MAP3K19: variants seen among roughly 807,000 people sequenced by gnomAD.
The protein encoded by MAP3K19 is mitogen-activated protein kinase kinase kinase 19, also known as SPS1/STE20-related protein kinase YSK4.
In MAP3K19, 91 loss-of-function variants were observed where a neutral mutation model predicts 114.4. The ratio of observed to expected loss-of-function variants is 0.80; its 90% CI spans 0.67 to 0.95. MAP3K19 has a LOEUF of 0.95. MAP3K19 is among the 40% of genes least tolerant of loss of function. The probability of loss-of-function intolerance (pLI) is 0.00; values close to 1 mark genes in which losing one functional copy is unlikely to be tolerated. For missense variants in MAP3K19, 1,471 were observed against 1,573.2 expected (o/e 0.94, Z 1.10); for synonymous variants, 518 against 530.5 (o/e 0.98, Z 0.32).
chr2:134,971,163 T>C (rs1304584734), intron 12 of MAP3K19, among the ~76,000 whole-genome samples: 2 of 152,236 alleles, frequency 1.3e-5, no homozygotes, highest in South Asian at 4.1e-4. Flanking sequence ...TTTCTGTTTC[T>C]ATTGAGATGG....
chr2:134,992,823 T>C (rs1685680162), intron 8 of MAP3K19, among the ~76,000 whole-genome samples: 1 of 151,890 alleles, frequency 6.6e-6, no homozygotes, highest in African/African-American at 2.4e-5. Context: ...GCACCTGCCA[T>C]CATGCCCGGC....
At chr2:134,974,486 C>A (rs1460356387) in intron 12 of MAP3K19, among the ~76,000 whole-genome samples, 1 of 152,150 alleles carries the variant, frequency 6.6e-6, no homozygotes, top group Non-Finnish European at 1.5e-5. Flanking sequence ...GAAGACCTTT[C>A]TAGGTTGTAT....
chr2:135,023,951 G>A (rs1036173778), intron 4 of MAP3K19, among the ~76,000 whole-genome samples: 7 of 151,736 alleles, frequency 4.6e-5, no homozygotes, highest in African/African-American at 1.5e-4. Flanking sequence ...CCCCTCCATG[G>A]GCCCAGTTTC....
intron 11 of MAP3K19, 146 bp from the exon 12 acceptor site, chr2:134,981,664 T>G: frequency 1.5e-6 from 1 of 655,064 alleles, no homozygotes; most frequent in East Asian, 2.7e-5. Context: ...TGCAAAGTGT[T>G]TAAGCAAATT....
In MAP3K19 at chr2:134,970,747, G is replaced by A. The variant is rs907604938; in HGVS notation, c.3921-5831C>T. On this transcript the variant is annotated intron_variant, in intron 12 of 12. Transcript: ENST00000392915. ...TGAGTAGCTGGGACTACAGGTGCCC[G>A]CCACCACACCTGGCTAATTTTTTGT... Among the ~76,000 whole-genome samples, 5 of 151,756 alleles carry A rather than the reference G, an allele frequency of 3.3e-5. No individual in the cohort carries two copies. In the East Asian group the frequency reaches 5.8e-4, roughly 18 times the overall value.
In MAP3K19 at chr2:135,017,185, C is replaced by G. The variant is rs76644020; in HGVS notation, c.138+4530G>C. Among the ~76,000 whole-genome samples the G allele has an allele frequency of 7.1e-3, 1,079 of 152,216 alleles. 12 individuals are homozygous for G. The highest frequency in any genetic ancestry group is 0.024 in the African/African-American group (1,009 of 41,528). ...CTCTAAAAATATGACTAGAAGTTCT[C>G]TATGTATATTGCTATTTACCTGTTG... On this transcript the variant is annotated intron_variant, in intron 5 of 12. Coordinates refer to ENST00000392915, the MANE Select transcript of MAP3K19 (RefSeq NM_025052.5).
At chr2:134,983,152 TTCTA>T (rs375143838) in intron 11 of MAP3K19, 25 of 525,024 alleles carry the variant, frequency 4.8e-5, no homozygotes, top group African/African-American at 3.7e-4. Context: ...AACTTATTTC[TTCTA>T]TCTGACTGTA....
At chr2:135,011,536 CAA>C (rs61361416) in intron 5 of MAP3K19, among the ~76,000 whole-genome samples, 64 of 79,206 alleles carry the variant, frequency 8.1e-4, no homozygotes, top group African/African-American at 1.6e-3. Context: ...GACTCTGTCT[CAA>C]AAAAAAAAAA....
intron 9 of MAP3K19, among the ~76,000 whole-genome samples, chr2:134,988,542 C>T (rs1456257603): frequency 6.6e-6 from 1 of 152,080 alleles, no homozygotes; most frequent in Admixed American, 6.6e-5. Context: ...AGGCATGTGC[C>T]ACTATGCTCG....
At chr2:135,018,281 C>CAAAAAAAAAAAA (rs781510594) in intron 5 of MAP3K19, among the ~76,000 whole-genome samples, 5 of 58,286 alleles carry the variant, frequency 8.6e-5, no homozygotes, top group Admixed American at 2.2e-4. Context: ...GCAACAACAG[C>CAAAAAAAAAAAA]AAAAAAAAAA....
intron 11 of MAP3K19, 44 bp downstream of exon 11, chr2:134,983,632 G>A (rs564760913): frequency 4.2e-6 from 6 of 1,444,808 alleles, no homozygotes; most frequent in South Asian, 3.0e-5. Context: ...GAGGGACTGT[G>A]GGGGGGTGGG....
At chr2:135,043,704 T>C (rs1240350281) in intron 1 of MAP3K19, among the ~76,000 whole-genome samples, 1 of 152,200 alleles carries the variant, frequency 6.6e-6, no homozygotes, top group Non-Finnish European at 1.5e-5. Flanking sequence ...ATCCACCATT[T>C]TAGAAGGTAC....
intron 1 of MAP3K19, among the ~76,000 whole-genome samples, chr2:135,041,188 C>T (rs62168941): frequency 0.27 from 40,322 of 151,922 alleles, 7,218 homozygotes; most frequent in African/African-American, 0.49. Flanking sequence ...GATTCTAGCA[C>T]AGTGGGAATC....
chr2:135,034,217 G>C lies in MAP3K19; in HGVS notation c.-283-3717C>G, dbSNP rs1574055272. On this transcript the variant is annotated intron_variant, in intron 2 of 12. Transcript: ENST00000392915. Reference sequence around the variant, plus strand: ...TTACTTCCTAGATGGGATGGTGGCCGGGAAGAGGTGCTCCTCACTTCCTAG... The same window carrying C: ...TTACTTCCTAGATGGGATGGTGGCCCGGAAGAGGTGCTCCTCACTTCCTAG... 5.9e-5 allele frequency among the ~76,000 whole-genome samples: 7 copies of C among 119,478 alleles called. No individual in the cohort carries two copies. In the Admixed American group the frequency reaches 6.0e-4, roughly 10 times the overall value. The allele number at this position is 119,478 out of a possible 152,430, so 78.4% of individuals were successfully genotyped here.
At chr2:134,996,201 C>T (rs1026048265) in intron 8 of MAP3K19, among the ~76,000 whole-genome samples, 63 of 151,896 alleles carry the variant, frequency 4.1e-4, no homozygotes, top group South Asian at 6.2e-4. Flanking sequence ...TCAAGCAGTG[C>T]TCCTGCCTCA....
intron 8 of MAP3K19, among the ~76,000 whole-genome samples, chr2:134,992,301 G>A (rs992903769): frequency 4.6e-5 from 7 of 152,010 alleles, no homozygotes; most frequent in East Asian, 1.9e-4. Flanking sequence ...AAACTAGATC[G>A]ACCATAAACT....
rs769741999 is a variant in MAP3K19 at position 134,986,067 on chromosome 2, C to G, written c.2805G>C (p.Lys935Asn). The change falls in exon 10 of 13, where the codon AAG (lysine) becomes AAC (asparagine). Residue 935 changes from lysine to asparagine, a missense_variant. Physicochemically the swap from Lys to Asn is moderately conservative, Grantham distance 94 (BLOSUM62 0). Transcript: ENST00000392915. ...HYLDHDSLAN[K>N]SITYQMFGKT... ...TTCCAAACATTTGATATGTGATTGA[C>G]TTATTTGCTAAACTATCATGATCCA... is the stretch of plus-strand genomic sequence containing the variant. 3.1e-6 allele frequency: 5 copies of G among 1,613,964 alleles called. No homozygotes were observed. Among genetic ancestry groups the G allele is most frequent in the Non-Finnish European group, 4.2e-6 (5 of 1,179,966 alleles).
At position 134,986,142 on chromosome 2, in the gene MAP3K19, T is replaced by C; in HGVS notation, c.2730A>G (p.Ala910=). 1 of 1,614,066 alleles carries C rather than the reference T, an allele frequency of 6.2e-7. No homozygotes were observed. Residue 910 remains alanine (A), a synonymous_variant, in exon 10 of 13, where the codon GCA becomes GCG. Transcript: ENST00000392915. ...SKTLTNFSFQ[A]KQESASSQTY... The stretch of plus-strand genomic sequence containing the variant: ...TCTGGGAAGATGCACTTTCTTGTTT[T>C]GCTTGGAAAGAGAAATTTGTAAGTG...
intron 5 of MAP3K19, among the ~76,000 whole-genome samples, chr2:135,020,396 T>C (rs1465124329): frequency 6.6e-6 from 1 of 152,226 alleles, no homozygotes; most frequent in African/African-American, 2.4e-5. Context: ...CATAGCTCAC[T>C]GAGGCCTGAA....
Sources: allele counts gnomAD v4.1 joint callset (sites outside exome capture counted in the v4.1 genomes callset), GRCh38; gene constraint gnomAD v4.1.1; transcripts MANE v1.5; gene names NCBI Gene and HGNC (gene_info 2026-07-23, HGNC 2026-07-21).